The following MAP3K20 variants were observed in gnomAD, a reference collection of about 807,000 sequenced individuals.
MAP3K20 encodes HCCS-4.
Under a neutral mutation model 85.7 loss-of-function variants are expected in MAP3K20, and 40 were observed. The observed-to-expected ratio is 0.47, with a 90% CI of 0.36 to 0.61. The LOEUF (loss-of-function observed/expected upper bound fraction) is 0.61, where lower values mean the gene tolerates loss of function less well. MAP3K20 is among the 20% of genes least tolerant of loss of function. MAP3K20 has a pLI of 0.00. For missense variants in MAP3K20, 817 were observed against 961.7 expected (o/e 0.85, Z 1.99); for synonymous variants, 325 against 327.7 (o/e 0.99, Z 0.09).
intron 2 of MAP3K20, among the ~76,000 whole-genome samples, chr2:173,105,317 A>T (rs1282287602): frequency 6.6e-6 from 1 of 152,188 alleles, no homozygotes; most frequent in Non-Finnish European, 1.5e-5. Flanking sequence ...TTGCTCACTG[A>T]TTGGCCATGG....
intron 14 of MAP3K20, among the ~76,000 whole-genome samples, chr2:173,233,027 C>T (rs1488887534): frequency 4.6e-5 from 7 of 152,128 alleles, no homozygotes; most frequent in Admixed American, 2.6e-4. Context: ...TGAATATCAC[C>T]CCCCTGCCCT....
At chr2:173,103,063 AAAAAG>A (rs1464219835) in intron 2 of MAP3K20, among the ~76,000 whole-genome samples, 1 of 152,148 alleles carries the variant, frequency 6.6e-6, no homozygotes, top group Non-Finnish European at 1.5e-5. Flanking sequence ...CAAAAAGAAA[AAAAAG>A]AAAAGAAAAA....
chr2:173,195,180 C>A (rs571385400), intron 7 of MAP3K20, among the ~76,000 whole-genome samples: 4 of 136,702 alleles, frequency 2.9e-5, no homozygotes, highest in Non-Finnish European at 6.3e-5. Flanking sequence ...CAAGGCCTAG[C>A]CTCTCTTTAA....
chr2:173,178,714 C>T (rs1423426807), intron 3 of MAP3K20, among the ~76,000 whole-genome samples: 1 of 152,124 alleles, frequency 6.6e-6, no homozygotes, highest in African/African-American at 2.4e-5. Flanking sequence ...GATGATTTCA[C>T]TGGTGAATTC....
chr2:173,263,636 G>A (rs1455258415), intron 18 of MAP3K20, 109 bp from the exon 19 acceptor site: 2 of 1,080,268 alleles, frequency 1.9e-6, no homozygotes, highest in Admixed American at 2.8e-5. Context: ...AAACTGAAGT[G>A]ATATAATAAC....
At chr2:173,222,921 CTT>C (rs1436362755) in intron 11 of MAP3K20, 1 of 985,002 alleles carries the variant, frequency 1.0e-6, no homozygotes, top group Non-Finnish European at 1.2e-6. Context: ...AGAACTAAGA[CTT>C]TTTTCAAACT....
chr2:173,138,314 T>C (rs1239596004), intron 2 of MAP3K20, among the ~76,000 whole-genome samples: 3 of 152,216 alleles, frequency 2.0e-5, no homozygotes, highest in Non-Finnish European at 4.4e-5. Flanking sequence ...AAAGTGTCCA[T>C]GATTATGAAA....
chr2:173,131,069 A>G (rs1223195294), intron 2 of MAP3K20, among the ~76,000 whole-genome samples: 1 of 152,196 alleles, frequency 6.6e-6, no homozygotes, highest in East Asian at 1.9e-4. Flanking sequence ...GTCTGCCTCG[A>G]TAAAAACCCT....
intron 2 of MAP3K20, among the ~76,000 whole-genome samples, chr2:173,167,356 A>C (rs1327112678): frequency 6.6e-6 from 1 of 151,966 alleles, no homozygotes; most frequent in African/African-American, 2.4e-5. Flanking sequence ...TTTTTATTGG[A>C]GCTTATTTGA....
chr2:173,191,478 T>G (rs1043683168), intron 7 of MAP3K20, among the ~76,000 whole-genome samples: 3 of 152,128 alleles, frequency 2.0e-5, no homozygotes, highest in Non-Finnish European at 4.4e-5. Flanking sequence ...TTTTGCAGGG[T>G]GGTAATGTGA....
At chr2:173,234,161 C>T (rs544676525) in intron 14 of MAP3K20, among the ~76,000 whole-genome samples, 130 of 151,882 alleles carry the variant, frequency 8.6e-4, no homozygotes, top group Non-Finnish European at 1.3e-3. Context: ...CCCTTCCCAC[C>T]TGCCATCTTT....
intron 16 of MAP3K20, among the ~76,000 whole-genome samples, chr2:173,256,546 C>CAGACAGAT (rs1685167400): frequency 6.6e-6 from 1 of 151,784 alleles, no homozygotes; most frequent in African/African-American, 2.4e-5. Flanking sequence ...GACAGACAGA[C>CAGACAGAT]AGATAGAGAG....
At chr2:173,234,199 A>G (rs934688541) in intron 14 of MAP3K20, among the ~76,000 whole-genome samples, 3 of 152,210 alleles carry the variant, frequency 2.0e-5, no homozygotes, top group Non-Finnish European at 4.4e-5. Context: ...CTTAAGGATC[A>G]GTTCGGAGGA....
intron 16 of MAP3K20, among the ~76,000 whole-genome samples, chr2:173,257,368 A>G (rs937839254): frequency 6.6e-6 from 1 of 152,112 alleles, no homozygotes; most frequent in African/African-American, 2.4e-5. Flanking sequence ...GAATTTTTCT[A>G]CCATTAATTA....
intron 2 of MAP3K20, among the ~76,000 whole-genome samples, chr2:173,164,540 G>A (rs564287250): frequency 6.6e-6 from 1 of 152,286 alleles, no homozygotes; most frequent in Admixed American, 6.5e-5. Context: ...CTGTGCACAA[G>A]CTCTTCAGTT....
intron 2 of MAP3K20, among the ~76,000 whole-genome samples, chr2:173,103,694 C>T (rs1687700382): frequency 6.6e-6 from 1 of 152,200 alleles, no homozygotes; most frequent in Non-Finnish European, 1.5e-5. Context: ...GCTAACACTT[C>T]CAGTTTTATC....
intron 1 of MAP3K20, among the ~76,000 whole-genome samples, chr2:173,083,592 C>G (rs1337415186): frequency 2.6e-5 from 4 of 152,090 alleles, no homozygotes; most frequent in African/African-American, 4.8e-5. Context: ...ATCTTTGAAT[C>G]TTTGACCTTG....
At chr2:173,103,580 A>C (rs1687697084) in intron 2 of MAP3K20, among the ~76,000 whole-genome samples, 2 of 152,198 alleles carry the variant, frequency 1.3e-5, no homozygotes, top group African/African-American at 4.8e-5. Context: ...TCTCTCACCT[A>C]AATGTAAGGT....
chr2:173,099,323 G>A (rs1234173204), intron 2 of MAP3K20, among the ~76,000 whole-genome samples: 1 of 128,180 alleles, frequency 7.8e-6, no homozygotes, highest in Non-Finnish European at 1.6e-5. Flanking sequence ...TTTGTGTTTT[G>A]TGTTTTGTTT....
Sources: allele counts gnomAD v4.1 joint callset (sites outside exome capture counted in the v4.1 genomes callset), GRCh38; gene constraint gnomAD v4.1.1; transcripts MANE v1.5; gene names NCBI Gene and HGNC (gene_info 2026-07-23, HGNC 2026-07-21).